Variants in SLC25A42 observed in about 807,000 individuals in gnomAD.
SLC25A42 encodes the protein mitochondrial coenzyme A transporter SLC25A42.
Under a neutral mutation model 34.7 loss-of-function variants are expected in SLC25A42, and 19 were observed. The ratio of observed to expected loss-of-function variants is 0.55; its 90% CI spans 0.38 to 0.80. The LOEUF (loss-of-function observed/expected upper bound fraction) is 0.80. SLC25A42 is among the 30% of genes least tolerant of loss of function. The pLI, the probability that SLC25A42 is intolerant of heterozygous loss-of-function variation, is 0.00. For synonymous variants in SLC25A42, 205 were observed against 191.2 expected (o/e 1.07, Z -0.59); for missense variants, 364 against 441.3 (o/e 0.82, Z 1.57).
intron 1 of SLC25A42, among the ~76,000 whole-genome samples, chr19:19,090,082 G>A (rs1027351642): frequency 2.0e-5 from 3 of 152,174 alleles, no homozygotes; most frequent in African/African-American, 7.2e-5. Flanking sequence ...TTGGCCTGCA[G>A]ATCCTATTTT....
intron 1 of SLC25A42, among the ~76,000 whole-genome samples, chr19:19,078,973 A>G (rs2059668531): frequency 6.6e-6 from 1 of 151,706 alleles, no homozygotes; most frequent in Non-Finnish European, 1.5e-5. Context: ...TAGTACAGTC[A>G]CAGTGTTGTG....
chr19:19,105,680 C>T lies in SLC25A42; in HGVS notation c.333C>T (p.His111=). 2 of 1,612,440 alleles carry T rather than the reference C, an allele frequency of 1.2e-6. No individual in the cohort carries two copies. Among genetic ancestry groups the T allele is most frequent in the Non-Finnish European group, 8.5e-7 (1 of 1,179,284 alleles). ...VPYAAIQFSA[H]EEYKRILGSY... is the part of the protein sequence containing the mutation. ...ACGCCGCCATCCAGTTCAGCGCACACGAGGAGTACAAGCGCATCCTGGGCA... is the reference window on the plus strand; with the variant it reads ...ACGCCGCCATCCAGTTCAGCGCACATGAGGAGTACAAGCGCATCCTGGGCA... Residue 111 remains histidine (H), a synonymous_variant, in exon 5 of 8, where the codon CAC becomes CAT. Transcript: ENST00000318596.
chr19:19,096,185 T>G lies in SLC25A42; in HGVS notation c.61T>G (p.Ser21Ala). Residue 21 changes from serine to alanine, a missense_variant, in exon 2 of 8, where the codon TCC becomes GCC. Physicochemically the swap from Ser to Ala is moderately conservative, Grantham distance 99. Transcript: ENST00000318596. ...RLHEDAEAVL[S>A]SSVSSKRDHR... ...GCATGAGGATGCTGAGGCTGTCCTG[T>G]CCTCGTCCGTCTCATCAAAGGCAAG... 1 of 1,612,508 alleles carries G rather than the reference T, an allele frequency of 6.2e-7. No individual in the cohort carries two copies. Among genetic ancestry groups the G allele is most frequent in the Non-Finnish European group, 8.5e-7 (1 of 1,179,826 alleles).
intron 1 of SLC25A42, among the ~76,000 whole-genome samples, chr19:19,089,102 G>C (rs1464140964): frequency 1.3e-5 from 2 of 152,174 alleles, no homozygotes; most frequent in Non-Finnish European, 2.9e-5. Context: ...ACTGCGCCTG[G>C]CCAGTGATCC....
chr19:19,087,816 CA>C (rs1431003258), intron 1 of SLC25A42, among the ~76,000 whole-genome samples: 2 of 152,176 alleles, frequency 1.3e-5, no homozygotes, highest in African/African-American at 4.8e-5. Context: ...CCAGGGCAGG[CA>C]GGGGAGAGGG....
At chr19:19,091,114 C>T (rs1217125253) in intron 1 of SLC25A42, among the ~76,000 whole-genome samples, 1 of 152,202 alleles carries the variant, frequency 6.6e-6, no homozygotes, top group Non-Finnish European at 1.5e-5. Flanking sequence ...CTGTCCTACC[C>T]AGTTCTAGAA....
chr19:19,083,734 G>C (rs1322564959), intron 1 of SLC25A42, among the ~76,000 whole-genome samples: 1 of 151,678 alleles, frequency 6.6e-6, no homozygotes, highest in Non-Finnish European at 1.5e-5. Context: ...CCTGGGCAAG[G>C]GGCAGAGAGC....
chr19:19,091,059 G>A (rs753644130), intron 1 of SLC25A42, among the ~76,000 whole-genome samples: 7 of 152,308 alleles, frequency 4.6e-5, no homozygotes, highest in Non-Finnish European at 8.8e-5. Flanking sequence ...TCTTGGGCCC[G>A]TTTCTGCTGA....
In SLC25A42 at chr19:19,082,965, C is replaced by T. The variant is rs558176679; in HGVS notation, c.-34-13126C>T. On this transcript the variant is annotated intron_variant, in intron 1 of 7. Transcript: ENST00000318596. ...CCCTGAGTAGCTGGGACTACAGGTG[C>T]GTGCCACCACACCCAGCTAATTTTT... 1.1e-4 allele frequency among the ~76,000 whole-genome samples: 17 copies of T among 151,280 alleles called. No individual in the cohort carries two copies. The South Asian group carries it at 2.9e-3, about 26-fold the overall frequency.
chr19:19,084,497 C>A (rs1223774752), intron 1 of SLC25A42, among the ~76,000 whole-genome samples: 8 of 152,204 alleles, frequency 5.3e-5, no homozygotes, highest in African/African-American at 1.9e-4. Flanking sequence ...CACAAGGCCA[C>A]ACAGATAGGA....
intron 1 of SLC25A42, among the ~76,000 whole-genome samples, chr19:19,072,209 C>T (rs1360205296): frequency 1.3e-5 from 2 of 152,170 alleles, no homozygotes; most frequent in Non-Finnish European, 2.9e-5. Context: ...GTCTCAAAAG[C>T]ATACTCAATA....
At chr19:19,090,551 G>A (rs148396526) in intron 1 of SLC25A42, among the ~76,000 whole-genome samples, 1 of 152,182 alleles carries the variant, frequency 6.6e-6, no homozygotes, top group African/African-American at 2.4e-5. Context: ...GATCTGGCTG[G>A]GCACCGTGGC....
intron 1 of SLC25A42, among the ~76,000 whole-genome samples, chr19:19,080,549 A>G (rs2145904405): frequency 6.6e-6 from 1 of 152,280 alleles, no homozygotes; most frequent in East Asian, 1.9e-4. Flanking sequence ...TGGGAGGTTC[A>G]GGTGGGAGGA....
chr19:19,087,741 A>G (rs2059715475), intron 1 of SLC25A42, among the ~76,000 whole-genome samples: 1 of 152,230 alleles, frequency 6.6e-6, no homozygotes, highest in African/African-American at 2.4e-5. Flanking sequence ...GGAAAAACAA[A>G]GACCATCCAA....
intron 6 of SLC25A42, among the ~76,000 whole-genome samples, chr19:19,107,622 C>CT (rs1300150733): frequency 3.3e-5 from 5 of 152,126 alleles, no homozygotes; most frequent in Non-Finnish European, 7.4e-5. Flanking sequence ...CAGAGGGAGA[C>CT]TGTCTCAAAA....
chr19:19,072,073 C>T (rs936953211), intron 1 of SLC25A42, among the ~76,000 whole-genome samples: 2 of 152,058 alleles, frequency 1.3e-5, no homozygotes, highest in Non-Finnish European at 2.9e-5. Flanking sequence ...GGCTGATCTC[C>T]AATTCCTGGG....
At position 19,111,101 on chromosome 19, in the gene SLC25A42, C is replaced by G; in HGVS notation, c.*225C>G. On this transcript the variant is annotated 3_prime_UTR_variant, in exon 8 of 8. Transcript: ENST00000318596. Reference sequence around the variant, plus strand: ...GGCGATGGTGTGGGGGGTCCCGCAGCTCCCCTCTTCCTTCCTCTGCAGACG... The same window carrying G: ...GGCGATGGTGTGGGGGGTCCCGCAGGTCCCCTCTTCCTTCCTCTGCAGACG... 1 of 581,610 alleles carries G rather than the reference C, an allele frequency of 1.7e-6. No homozygotes were observed. Among genetic ancestry groups the G allele is most frequent in the Non-Finnish European group, 3.0e-6 (1 of 330,564 alleles). 36.0% of individuals were successfully genotyped at this position (581,610 alleles called of 1,614,324 possible).
At chr19:19,110,463 G>A (rs937054796) in intron 7 of SLC25A42, 106 bp from the exon 8 acceptor site, 1 of 889,866 alleles carries the variant, frequency 1.1e-6, no homozygotes, top group Non-Finnish European at 1.6e-6. Flanking sequence ...GTGCATGTGT[G>A]TATGTGCACG....
chr19:19,072,310 A>T (rs1380671872), intron 1 of SLC25A42, among the ~76,000 whole-genome samples: 1 of 152,204 alleles, frequency 6.6e-6, no homozygotes, highest in African/African-American at 2.4e-5. Context: ...CACCCACTCG[A>T]GTGGCACTAT....
Sources: allele counts gnomAD v4.1 joint callset (sites outside exome capture counted in the v4.1 genomes callset), GRCh38; gene constraint gnomAD v4.1.1; transcripts MANE v1.5; gene names NCBI Gene and HGNC (gene_info 2026-07-23, HGNC 2026-07-21).